The following FAM120B variants were observed in gnomAD, a reference collection of about 807,000 sequenced individuals.
FAM120B encodes family with sequence similarity 120 member B, also known as constitutive coactivator of peroxisome proliferator-activated receptor gamma.
FAM120B carries 83 observed loss-of-function variants against 96.3 expected under a neutral mutation model. The observed-to-expected ratio is 0.86, with a 90% confidence interval of 0.72 to 1.03. FAM120B has a LOEUF of 1.03. Ranked by LOEUF, FAM120B falls within the 50% of genes least tolerant of loss-of-function variation. FAM120B has a pLI of 0.00. For synonymous variants in FAM120B, 407 were observed against 402.7 expected (o/e 1.01, Z -0.13); for missense variants, 1,027 against 1,121.2 (o/e 0.92, Z 1.20).
chr6:170,348,032 A>G, intron 4 of FAM120B, 119 bp from the exon 5 acceptor site: 1 of 804,292 alleles, frequency 1.2e-6, no homozygotes, highest in Non-Finnish European at 1.9e-6. Context: ...TTTACTTTCT[A>G]GTTCCTTTTA....
chr6:170,372,703 GCTC>G (rs1312539200), intron 6 of FAM120B, among the ~76,000 whole-genome samples: 2 of 152,120 alleles, frequency 1.3e-5, no homozygotes. Context: ...GGAGGTTTTG[GCTC>G]CTCCTGCCCC....
chr6:170,321,251 C>T (rs974673692), intron 2 of FAM120B, among the ~76,000 whole-genome samples: 3 of 152,178 alleles, frequency 2.0e-5, no homozygotes, highest in Admixed American at 1.3e-4. Flanking sequence ...AAAATTCAAA[C>T]GTGTATTTTA....
intron 4 of FAM120B, among the ~76,000 whole-genome samples, chr6:170,331,564 T>G: frequency 6.6e-6 from 1 of 152,250 alleles, no homozygotes; most frequent in East Asian, 1.9e-4. Flanking sequence ...AAGGAGCATT[T>G]TTTTAAAGGA....
chr6:170,342,194 C>G (rs1484675394), intron 4 of FAM120B, among the ~76,000 whole-genome samples: 1 of 151,706 alleles, frequency 6.6e-6, no homozygotes, highest in African/African-American at 2.4e-5. Flanking sequence ...GTTTTTTTTC[C>G]TTTTGGCCAG....
upstream of FAM120B, among the ~76,000 whole-genome samples, chr6:170,291,353 C>G (rs997263346): frequency 1.3e-5 from 2 of 151,544 alleles, no homozygotes; most frequent in African/African-American, 4.8e-5. Flanking sequence ...CGGCGGGACG[C>G]GGCCTCCGAA....
intron 5 of FAM120B, among the ~76,000 whole-genome samples, chr6:170,354,504 A>G (rs570479172): frequency 1.3e-5 from 2 of 152,326 alleles, no homozygotes; most frequent in East Asian, 3.9e-4. Flanking sequence ...AATTTTTACT[A>G]TGTATTCATC....
chr6:170,296,936 G>A (rs1257273138), intron 1 of FAM120B, among the ~76,000 whole-genome samples: 1 of 152,214 alleles, frequency 6.6e-6, no homozygotes, highest in East Asian at 1.9e-4. Context: ...GAGGGGCGAT[G>A]GGCGGACGGG....
intron 5 of FAM120B, among the ~76,000 whole-genome samples, chr6:170,355,771 G>A (rs1787905886): frequency 1.3e-5 from 2 of 152,142 alleles, no homozygotes; most frequent in African/African-American, 4.8e-5. Context: ...GATATTATAT[G>A]TTAAATATGC....
In FAM120B at chr6:170,317,981, C is replaced by T; in HGVS notation, c.591C>T (p.Cys197=). ...CCTACTTTTCAATTAGCGAGCTCTG[C>T]CTAGAGAGCCTGGACACCGTCATGC... ...TCPYFSISEL[C]LESLDTVMLC... is the part of the protein sequence containing the mutation. Residue 197 remains cysteine, a synonymous_variant, in exon 2 of 11, where the codon TGC becomes TGT. Transcript: ENST00000476287. The T allele has an allele frequency of 1.2e-6, 2 of 1,613,742 alleles. No homozygotes were observed. The highest frequency in any genetic ancestry group is 1.7e-6 in the Non-Finnish European group (2 of 1,179,762).
At chr6:170,388,968 A>G (rs1790342556) in intron 7 of FAM120B, among the ~76,000 whole-genome samples, 1 of 152,214 alleles carries the variant, frequency 6.6e-6, no homozygotes, top group Non-Finnish European at 1.5e-5. Flanking sequence ...AGTGAGCTAG[A>G]GAAAAGAAAA....
At chr6:170,386,892 A>C (rs1191324208) in intron 6 of FAM120B, among the ~76,000 whole-genome samples, 4 of 152,256 alleles carry the variant, frequency 2.6e-5, no homozygotes, top group Non-Finnish European at 4.4e-5. Flanking sequence ...CCAATAATAC[A>C]TGATGACCAA....
At chr6:170,331,609 A>G (rs1440315310) in intron 4 of FAM120B, among the ~76,000 whole-genome samples, 1 of 152,228 alleles carries the variant, frequency 6.6e-6, no homozygotes, top group Non-Finnish European at 1.5e-5. Flanking sequence ...GTTTTATTAT[A>G]TATGTATTTT....
At chr6:170,316,364 T>C (rs1299530305) in intron 1 of FAM120B, among the ~76,000 whole-genome samples, 1 of 152,212 alleles carries the variant, frequency 6.6e-6, no homozygotes, top group Non-Finnish European at 1.5e-5. Context: ...GAATTTTTTG[T>C]TGTGTTTTAT....
rs76546756 is a variant in FAM120B, at chr6:170,366,182, C to T, written c.2283+7864C>T. Among the ~76,000 whole-genome samples the T allele has an allele frequency of 8.9e-3, 1,352 of 152,270 alleles. 67 individuals are homozygous for T. The East Asian group carries it at 0.1, about 12-fold the overall frequency. On this transcript the variant is annotated intron_variant, in intron 6 of 10. Coordinates refer to ENST00000476287, the MANE Select transcript of FAM120B (RefSeq NM_032448.3). Reference sequence around the variant, plus strand: ...CAGCTGTTGGGAGGTGGCACTAAATCGTTGTTCTTGGGAGTTAGATTCTGC... The same window carrying T: ...CAGCTGTTGGGAGGTGGCACTAAATTGTTGTTCTTGGGAGTTAGATTCTGC...
chr6:170,356,028 G>A (rs1377122550), intron 5 of FAM120B, among the ~76,000 whole-genome samples: 3 of 152,196 alleles, frequency 2.0e-5, no homozygotes, highest in African/African-American at 4.8e-5. Context: ...CTGATCCTGT[G>A]TGTGGTCACG....
intron 8 of FAM120B, 28 bp from the exon 9 acceptor site, chr6:170,395,459 C>T (rs1002240217): frequency 1.3e-6 from 2 of 1,541,108 alleles, no homozygotes; most frequent in African/African-American, 2.7e-5. Flanking sequence ...TGACAACTTA[C>T]TAATCTTCTG....
chr6:170,364,977 T>C (rs1028744777), intron 6 of FAM120B, among the ~76,000 whole-genome samples: 4 of 152,240 alleles, frequency 2.6e-5, no homozygotes, highest in African/African-American at 9.6e-5. Flanking sequence ...GATTGACTTC[T>C]GGGTTGAAAA....
At chr6:170,296,450 G>A (rs1784011039) in intron 1 of FAM120B, among the ~76,000 whole-genome samples, 1 of 151,890 alleles carries the variant, frequency 6.6e-6, no homozygotes, top group Non-Finnish European at 1.5e-5. Flanking sequence ...TGCGAGGGCG[G>A]AGGGCGGCGC....
In FAM120B at chr6:170,334,650, G is replaced by A. The variant is rs548168924; in HGVS notation, c.2017+4100G>A. ...TCTGCTCATGTGGCTGCCAGTGTCT[G>A]AAACTGCCCCGACCATTGCAGATCA... On this transcript the variant is annotated intron_variant, in intron 4 of 10. Coordinates refer to ENST00000476287, the MANE Select transcript of FAM120B (RefSeq NM_032448.3). Among the ~76,000 whole-genome samples the A allele has an allele frequency of 2.2e-4, 33 of 152,242 alleles. 1 individual carries two copies. The South Asian group carries it at 6.6e-3, about 31-fold the overall frequency.
Sources: gnomAD v4.1 joint callset for allele counts (sites outside exome capture counted in the v4.1 genomes callset) on GRCh38, gnomAD v4.1.1 for gene constraint, MANE v1.5 for transcripts, NCBI Gene and HGNC (gene_info 2026-07-23, HGNC 2026-07-21) for gene names.